Variants in ROBO2 observed in about 807,000 individuals in gnomAD.
ROBO2 encodes the protein roundabout guidance receptor 2.
A neutral mutation model predicts 160.8 loss-of-function variants in ROBO2; 53 were observed. The observed-to-expected ratio is 0.33, with a 90% confidence interval of 0.26 to 0.41. The LOEUF (loss-of-function observed/expected upper bound fraction) is 0.41, where lower values mean the gene tolerates loss of function less well. Among genes scored for constraint, ROBO2 ranks in the 10% least tolerant of loss-of-function variants. The pLI is 1.00. For missense variants in ROBO2, 1,577 were observed against 1,722.4 expected (o/e 0.92, Z 1.49); for synonymous variants, 664 against 611.7 (o/e 1.09, Z -1.26).
chr3:75,944,282 C>T (rs1460166453), intron 2 of ROBO2, among the ~76,000 whole-genome samples: 1 of 152,128 alleles, frequency 6.6e-6, no homozygotes, highest in Non-Finnish European at 1.5e-5. Flanking sequence ...ACCTTGGAAA[C>T]CAAGAGATTC....
intron 2 of ROBO2, among the ~76,000 whole-genome samples, chr3:76,668,880 G>A (rs752414053): frequency 1.3e-5 from 2 of 152,106 alleles, no homozygotes; most frequent in African/African-American, 4.8e-5. Flanking sequence ...GCTGACTGCA[G>A]CGGTTGGGGT....
chr3:77,511,425 C>T (rs2089381978), intron 5 of ROBO2, among the ~76,000 whole-genome samples: 1 of 152,020 alleles, frequency 6.6e-6, no homozygotes, highest in Non-Finnish European at 1.5e-5. Context: ...TACCCAAATT[C>T]CTTGGCATCG....
chr3:77,086,875 G>T (rs2069393363), intron 1 of ROBO2, among the ~76,000 whole-genome samples: 1 of 152,084 alleles, frequency 6.6e-6, no homozygotes, highest in Non-Finnish European at 1.5e-5. Context: ...AAATAAGTTT[G>T]TCTGAAATTT....
At chr3:76,325,562 A>T (rs1426111622) in intron 2 of ROBO2, among the ~76,000 whole-genome samples, 5 of 152,206 alleles carry the variant, frequency 3.3e-5, no homozygotes, top group African/African-American at 1.2e-4. Flanking sequence ...ACTTGTAAAC[A>T]GTTGGTTGTA....
chr3:77,639,344 C>T (rs1274427799), intron 24 of ROBO2, among the ~76,000 whole-genome samples: 1 of 152,002 alleles, frequency 6.6e-6, no homozygotes, highest in Non-Finnish European at 1.5e-5. Flanking sequence ...AGATAAAGAC[C>T]AACCTAAGTA....
chr3:77,127,214 G>A (rs545120725), intron 2 of ROBO2, among the ~76,000 whole-genome samples: 1 of 152,110 alleles, frequency 6.6e-6, no homozygotes, highest in African/African-American at 2.4e-5. Context: ...ATGTTCAGGA[G>A]CACCTTTTTT....
intron 2 of ROBO2, among the ~76,000 whole-genome samples, chr3:76,017,581 C>T (rs909977172): frequency 4.5e-4 from 69 of 152,092 alleles, no homozygotes; most frequent in African/African-American, 1.6e-3. Context: ...AGCCACCTCA[C>T]AGTTATTGAG....
chr3:76,630,211 G>C (rs529032143), intron 2 of ROBO2, among the ~76,000 whole-genome samples: 1 of 152,290 alleles, frequency 6.6e-6, no homozygotes, highest in Non-Finnish European at 1.5e-5. Context: ...ACATCACAAA[G>C]ATGTGCATGT....
intron 2 of ROBO2, among the ~76,000 whole-genome samples, chr3:76,937,374 A>G (rs9863418): frequency 0.033 from 5,045 of 152,164 alleles, 261 homozygotes; most frequent in African/African-American, 0.11. Context: ...TGCCATAAAA[A>G]TTTACTGGAA....
At chr3:76,248,372 T>G (rs1203404263) in intron 2 of ROBO2, among the ~76,000 whole-genome samples, 1 of 151,640 alleles carries the variant, frequency 6.6e-6, no homozygotes, top group African/African-American at 2.4e-5. Context: ...ATCATCATTC[T>G]CAGTAAACTA....
intron 2 of ROBO2, among the ~76,000 whole-genome samples, chr3:76,703,248 C>T (rs2093084642): frequency 6.6e-6 from 1 of 152,044 alleles, no homozygotes; most frequent in African/African-American, 2.4e-5. Context: ...TGCTCTATGA[C>T]CTTTAAGGAC....
chr3:76,502,154 CAATGCAG>C (rs2080495176), intron 2 of ROBO2, among the ~76,000 whole-genome samples: 1 of 152,070 alleles, frequency 6.6e-6, no homozygotes, highest in Admixed American at 6.6e-5. Context: ...TTTGTTAGGA[CAATGCAG>C]AGACAGCCCA....
At chr3:75,956,608 A>T (rs565829588) in intron 2 of ROBO2, among the ~76,000 whole-genome samples, 2 of 151,842 alleles carry the variant, frequency 1.3e-5, no homozygotes, top group Admixed American at 6.6e-5. Flanking sequence ...ATGAGCCTGG[A>T]AATATCAATC....
chr3:77,297,174 G>A (rs1002266843), intron 2 of ROBO2, among the ~76,000 whole-genome samples: 1 of 152,108 alleles, frequency 6.6e-6, no homozygotes, highest in African/African-American at 2.4e-5. Flanking sequence ...GAGTTGTACT[G>A]CAGTGGGCTT....
In ROBO2 at chr3:77,460,259, C is replaced by T. The variant is rs561192732; in HGVS notation, c.389-17155C>T. On this transcript the variant is annotated intron_variant, in intron 2 of 25. Transcript: ENST00000461745. The stretch of plus-strand genomic sequence containing the variant: ...GGAGGAGTAATAATAATTCCTTGAG[C>T]GATTCATAGAAGATGATACCATGTA... 5.9e-5 allele frequency among the ~76,000 whole-genome samples: 9 copies of T among 152,090 alleles called. No individual in the cohort carries two copies. The South Asian group carries it at 1.0e-3, about 18-fold the overall frequency.
At chr3:77,477,377 C>G (rs1421529749) in intron 2 of ROBO2, 37 bp from the exon 3 acceptor site, 1 of 1,604,178 alleles carries the variant, frequency 6.2e-7, no homozygotes, top group Non-Finnish European at 8.5e-7. Context: ...AAGTTACTGT[C>G]GTTGAGTTTT....
At chr3:76,256,928 A>T (rs570403489) in intron 2 of ROBO2, among the ~76,000 whole-genome samples, 3 of 151,924 alleles carry the variant, frequency 2.0e-5, no homozygotes, top group African/African-American at 7.3e-5. Context: ...CAAGAGAGAG[A>T]GTGGGGCGGG....
intron 2 of ROBO2, among the ~76,000 whole-genome samples, chr3:76,869,756 G>A (rs2071826783): frequency 6.6e-6 from 1 of 152,052 alleles, no homozygotes; most frequent in Non-Finnish European, 1.5e-5. Context: ...ATTGAAAAAA[G>A]TAGAGTCTCT....
chr3:76,076,873 G>A (rs1024283672), intron 2 of ROBO2, among the ~76,000 whole-genome samples: 1 of 152,174 alleles, frequency 6.6e-6, no homozygotes, highest in Non-Finnish European at 1.5e-5. Flanking sequence ...GACTTTAACT[G>A]TTGTACTGTC....
Sources: allele counts gnomAD v4.1 joint callset (sites outside exome capture counted in the v4.1 genomes callset), GRCh38; gene constraint gnomAD v4.1.1; transcripts MANE v1.5; gene names NCBI Gene and HGNC (gene_info 2026-07-23, HGNC 2026-07-21).